Variants in POLB observed in about 807,000 individuals in gnomAD.
POLB encodes the protein DNA polymerase beta.
Under a neutral mutation model 52.7 loss-of-function variants are expected in POLB, and 37 were observed. The observed-to-expected ratio is 0.70, with a 90% CI of 0.54 to 0.92. POLB has a LOEUF of 0.92. Among genes scored for constraint, POLB ranks in the 40% least tolerant of loss-of-function variants. The pLI is 0.00. For synonymous variants in POLB, 138 were observed against 131.3 expected (o/e 1.05, Z -0.35); for missense variants, 313 against 400.8 (o/e 0.78, Z 1.87).
intron 13 of POLB, among the ~76,000 whole-genome samples, chr8:42,370,438 G>A (rs1585926716): frequency 6.6e-6 from 1 of 152,128 alleles, no homozygotes; most frequent in Non-Finnish European, 1.5e-5. Flanking sequence ...AATGGGTTCT[G>A]TTAACATTTC....
At chr8:42,342,273 G>A (rs1822250423) in intron 2 of POLB, 18 of 1,543,392 alleles carry the variant, frequency 1.2e-5, no homozygotes, top group Non-Finnish European at 1.6e-5. Flanking sequence ...CCTCCACTTG[G>A]CCTTCATAGA....
At chr8:42,370,699 C>T (rs1824326848) in intron 13 of POLB, among the ~76,000 whole-genome samples, 1 of 152,106 alleles carries the variant, frequency 6.6e-6, no homozygotes, top group Non-Finnish European at 1.5e-5. Context: ...CAGAGGTTAC[C>T]AATCTTTTAG....
At chr8:42,363,055 C>T (rs988680371) in intron 11 of POLB, among the ~76,000 whole-genome samples, 1 of 150,862 alleles carries the variant, frequency 6.6e-6, no homozygotes. Flanking sequence ...ACCCAGGAGA[C>T]GGAGGTGCGG....
intron 11 of POLB, among the ~76,000 whole-genome samples, chr8:42,365,657 A>G (rs1563407761): frequency 1.3e-5 from 2 of 152,206 alleles, no homozygotes; most frequent in Admixed American, 6.5e-5. Flanking sequence ...AAGTGTGCCA[A>G]CTGTTTTCAG....
intron 11 of POLB, among the ~76,000 whole-genome samples, chr8:42,367,493 T>A (rs1824116234): frequency 6.6e-6 from 1 of 152,186 alleles, no homozygotes; most frequent in Non-Finnish European, 1.5e-5. Flanking sequence ...AGATATCTAA[T>A]GAAGATGAGA....
chr8:42,342,194 G>A (rs1467501940), intron 2 of POLB: 8 of 1,553,474 alleles, frequency 5.1e-6, no homozygotes, highest in Non-Finnish European at 7.0e-6. Context: ...GGCAAGGCCT[G>A]CATCCAAATA....
At chr8:42,363,332 T>C (rs1268098888) in intron 11 of POLB, among the ~76,000 whole-genome samples, 4 of 151,542 alleles carry the variant, frequency 2.6e-5, no homozygotes, top group African/African-American at 9.7e-5. Flanking sequence ...ATCAAGACCA[T>C]CCTGGCCAAC....
intron 2 of POLB, chr8:42,342,279 A>G (rs1473196050): frequency 4.5e-6 from 7 of 1,539,668 alleles, no homozygotes; most frequent in South Asian, 3.3e-5. Context: ...CTTGGCCTTC[A>G]TAGATCTTGT....
At chr8:42,338,800 T>C (rs1585858140) in intron 1 of POLB, 115 bp downstream of exon 1, 1 of 1,144,124 alleles carries the variant, frequency 8.7e-7, no homozygotes, top group African/African-American at 1.5e-5. Context: ...TTGCAGCGGG[T>C]CGTCTTCCGT....
At chr8:42,361,464 C>T (rs1223502192) in intron 10 of POLB, 99 bp downstream of exon 10, 14 of 871,730 alleles carry the variant, frequency 1.6e-5, no homozygotes, top group Admixed American at 3.9e-5. Flanking sequence ...GTTTTGTTTT[C>T]GCCTTCCTGA....
intron 2 of POLB, among the ~76,000 whole-genome samples, chr8:42,344,356 C>A (rs1324662316): frequency 1.3e-5 from 2 of 151,112 alleles, no homozygotes; most frequent in African/African-American, 4.9e-5. Flanking sequence ...ATAATCCCAG[C>A]AACTTGGGAA....
intron 3 of POLB, among the ~76,000 whole-genome samples, chr8:42,345,679 G>C (rs1020997795): frequency 2.0e-5 from 3 of 152,088 alleles, no homozygotes; most frequent in Non-Finnish European, 4.4e-5. Context: ...ATGCTCCAAT[G>C]AGCATTTCCT....
chr8:42,360,790 A>G (rs1281967901), intron 9 of POLB, among the ~76,000 whole-genome samples: 1 of 150,418 alleles, frequency 6.6e-6, no homozygotes, highest in Non-Finnish European at 1.5e-5. Flanking sequence ...CTCTGTGTTG[A>G]CTGGGTTGGT....
At chr8:42,360,948 A>G (rs777666411) in intron 9 of POLB, 3 of 372,076 alleles carry the variant, frequency 8.1e-6, no homozygotes, top group Non-Finnish European at 1.6e-5. Flanking sequence ...ATTTTTACAT[A>G]TAGAGTTGTT....
chr8:42,338,837 T>C (rs1339230024), intron 1 of POLB, 152 bp downstream of exon 1: 1 of 976,840 alleles, frequency 1.0e-6, no homozygotes, highest in Non-Finnish European at 1.6e-6. Flanking sequence ...CGCCCCTGGC[T>C]GGTTGTCAGT....
intron 2 of POLB, among the ~76,000 whole-genome samples, chr8:42,343,987 C>T (rs1183116048): frequency 6.6e-6 from 1 of 151,236 alleles, no homozygotes; most frequent in Non-Finnish European, 1.5e-5. Flanking sequence ...AAAAATTAGC[C>T]AGATGTGGTG....
chr8:42,346,175 G>C (rs1190085600), intron 3 of POLB, among the ~76,000 whole-genome samples: 1 of 152,136 alleles, frequency 6.6e-6, no homozygotes, highest in Non-Finnish European at 1.5e-5. Flanking sequence ...ACTGCCTTGA[G>C]CCTCCCAAAG....
At chr8:42,345,492 T>C (rs1822553518) in intron 3 of POLB, among the ~76,000 whole-genome samples, 1 of 152,198 alleles carries the variant, frequency 6.6e-6, no homozygotes, top group African/African-American at 2.4e-5. Context: ...TCTCTGTAAT[T>C]TCCACGAAGC....
chr8:42,368,411 A>G (rs1044159952), intron 11 of POLB, among the ~76,000 whole-genome samples: 1 of 152,260 alleles, frequency 6.6e-6, no homozygotes, highest in Non-Finnish European at 1.5e-5. Context: ...GTGAAAAAGT[A>G]TGGCTTTTAG....
Sources: allele counts gnomAD v4.1 joint callset (sites outside exome capture counted in the v4.1 genomes callset), GRCh38; gene constraint gnomAD v4.1.1; transcripts MANE v1.5; gene names NCBI Gene and HGNC (gene_info 2026-07-23, HGNC 2026-07-21).